SBNO1: variants seen among roughly 807,000 people sequenced by gnomAD.
SBNO1 encodes the protein protein strawberry notch homolog 1.
In SBNO1, 23 loss-of-function variants were observed where a neutral mutation model predicts 173.6. The ratio of observed to expected loss-of-function variants is 0.13; its 90% CI spans 0.10 to 0.19. SBNO1 has a LOEUF of 0.19. Ranked by LOEUF, SBNO1 falls within the 10% of genes least tolerant of loss-of-function variation. SBNO1 has a pLI of 1.00. For missense variants in SBNO1, 1,238 were observed against 1,671.2 expected, an observed-to-expected ratio of 0.74 and a Z score of 4.52; for synonymous variants, 632 against 571.5, an observed-to-expected ratio of 1.11 and a Z score of -1.51.
intron 30 of SBNO1, among the ~76,000 whole-genome samples, chr12:123,300,733 G>C (rs1346250180): frequency 6.6e-6 from 1 of 151,858 alleles, no homozygotes; most frequent in Non-Finnish European, 1.5e-5. Context: ...AGGCCGTGGT[G>C]GGCAGATCAC....
chr12:123,302,711 G>C lies in SBNO1; in HGVS notation c.3845+113C>G. On this transcript the variant is annotated intron_variant, in intron 30 of 31. Coordinates refer to ENST00000602398, the MANE Select transcript of SBNO1 (RefSeq NM_001167856.3). ...ATTCCTGATGGAACACACCACGCCT[G>C]ACAATACTTAATCTGTTAGTTAATT... 4.0e-6 allele frequency: 3 copies of C among 758,548 alleles called. No individual in the cohort carries two copies. The Admixed American group carries it at 6.3e-5, about 16-fold the overall frequency. 47.0% of individuals were successfully genotyped at this position (758,548 alleles called of 1,614,324 possible).
chr12:123,353,973 G>A (rs575895190), intron 1 of SBNO1, among the ~76,000 whole-genome samples: 9 of 152,228 alleles, frequency 5.9e-5, no homozygotes, highest in Admixed American at 2.0e-4. Flanking sequence ...TATACACCAA[G>A]CCCTATCTAA....
chr12:123,336,150 A>G (rs1036923161), intron 6 of SBNO1, among the ~76,000 whole-genome samples: 3 of 152,214 alleles, frequency 2.0e-5, no homozygotes, highest in Non-Finnish European at 4.4e-5. Context: ...CAATGTTTTT[A>G]CAATTTTAGA....
At chr12:123,302,378 G>A (rs1006471908) in intron 30 of SBNO1, among the ~76,000 whole-genome samples, 1 of 151,964 alleles carries the variant, frequency 6.6e-6, no homozygotes, top group Non-Finnish European at 1.5e-5. Context: ...AAGTAGCTGG[G>A]ATTACAGGTG....
rs1205251141 is a variant in SBNO1 at position 123,295,172 on chromosome 12, T to C, written c.*736A>G. 1 of 152,202 alleles carries C rather than the reference T, an allele frequency of 6.6e-6. No homozygotes were observed. The highest frequency in any genetic ancestry group is 1.5e-5 in the Non-Finnish European group (1 of 68,036). 9.4% of individuals were successfully genotyped at this position (152,202 alleles called of 1,614,324 possible). On this transcript the variant is annotated 3_prime_UTR_variant, in exon 32 of 32. Coordinates refer to ENST00000602398, the MANE Select transcript of SBNO1 (RefSeq NM_001167856.3). ...CAGAAAAATGTATGTATTCATTACCTTGACCAGAAACCCAGGGCAGGGAGA... is the reference window on the plus strand; with the variant it reads ...CAGAAAAATGTATGTATTCATTACCCTGACCAGAAACCCAGGGCAGGGAGA...
At chr12:123,311,720 C>CTATCTATATATATA (rs1224940028) in intron 24 of SBNO1, among the ~76,000 whole-genome samples, 11 of 127,432 alleles carry the variant, frequency 8.6e-5, no homozygotes, top group African/African-American at 3.2e-4. Context: ...ATCTATCTAT[C>CTATCTATATATATA]TATATATATA....
Position 123,357,363 on chromosome 12 carries a change from C to T in SBNO1, c.1-6922G>A, listed in dbSNP as rs1437199670. Among the ~76,000 whole-genome samples the T allele has an allele frequency of 2.0e-5, 3 of 149,798 alleles. No individual in the cohort carries two copies. The East Asian group carries it at 5.9e-4, about 29-fold the overall frequency. ...TACTCCAGAGGCTGAGACAGGAGAA[C>T]ACCGGAACCCAGGGGGTGAAGGTTG... is the stretch of plus-strand genomic sequence containing the variant. On this transcript the variant is annotated intron_variant, in intron 1 of 31. Coordinates refer to ENST00000602398, the MANE Select transcript of SBNO1 (RefSeq NM_001167856.3).
intron 24 of SBNO1, among the ~76,000 whole-genome samples, chr12:123,311,737 TA>T (rs1218478818): frequency 4.4e-5 from 6 of 136,962 alleles, no homozygotes; most frequent in Non-Finnish European, 8.0e-5. Flanking sequence ...TATATATATA[TA>T]TATATATATA....
In SBNO1 at chr12:123,293,091, C is replaced by CA; in HGVS notation, c.*2816dup. The CA allele has an allele frequency of 6.6e-6, 1 of 152,164 alleles. No individual in the cohort carries two copies. Among genetic ancestry groups the CA allele is most frequent in the East Asian group, 1.9e-4 (1 of 5,196 alleles). 9.4% of individuals were successfully genotyped at this position (152,164 alleles called of 1,614,324 possible). ...TGATTTCCAACCAAATCTTTGTGCT[C>CA]AGAGCCATATTGCTAAAAAGAAAAA... is the stretch of plus-strand genomic sequence containing the variant. On this transcript the variant is annotated 3_prime_UTR_variant, in exon 32 of 32. Coordinates refer to ENST00000602398, the MANE Select transcript of SBNO1 (RefSeq NM_001167856.3).
At position 123,292,719 on chromosome 12, in the gene SBNO1, TAC is replaced by T. The variant is rs147400824; in HGVS notation, c.*3187_*3188del. 6.6e-6 allele frequency: 1 copy of T among 152,168 alleles called. No individual in the cohort carries two copies. The highest frequency in any genetic ancestry group is 1.5e-5 in the Non-Finnish European group (1 of 68,034). 9.4% of individuals were successfully genotyped at this position (152,168 alleles called of 1,614,324 possible). A position where few individuals can be genotyped will look rare whatever the true frequency, so the allele number is the denominator to read the frequency against. On this transcript the variant is annotated 3_prime_UTR_variant, in exon 32 of 32. Transcript: ENST00000602398. The stretch of plus-strand genomic sequence containing the variant: ...GTTAGAATAAATATATATAGATACA[TAC>T]ACACACTACATTGCTTTGGATGCAG...
rs1354622487 is a variant in SBNO1 at position 123,294,305 on chromosome 12, A to G, written c.*1603T>C. 1 of 152,166 alleles carries G rather than the reference A, an allele frequency of 6.6e-6. No individual in the cohort carries two copies. Among genetic ancestry groups the G allele is most frequent in the East Asian group, 1.9e-4 (1 of 5,206 alleles). The allele number at this position is 152,166 out of a possible 1,614,324, so 9.4% of individuals were successfully genotyped here. A position where few individuals can be genotyped will look rare whatever the true frequency, so the allele number is the denominator to read the frequency against. Reference sequence around the variant, plus strand: ...GTTTGTCAGTTTTAACACACATCTCACCCAATTCTGCAAGAAGTTTACAAA... The same window carrying G: ...GTTTGTCAGTTTTAACACACATCTCGCCCAATTCTGCAAGAAGTTTACAAA... On this transcript the variant is annotated 3_prime_UTR_variant, in exon 32 of 32. Transcript: ENST00000602398.
chr12:123,304,508 T>C (rs1296919535), intron 29 of SBNO1, 74 bp downstream of exon 29: 2 of 1,166,544 alleles, frequency 1.7e-6, no homozygotes, highest in East Asian at 5.3e-5. Flanking sequence ...AGTGCTGAGA[T>C]TACAGGTGTG....
In SBNO1 at chr12:123,298,135, A is replaced by T. The variant is rs1015683034; in HGVS notation, c.3882T>A (p.Val1294=). 6.2e-7 allele frequency: 1 copy of T among 1,612,250 alleles called. No individual in the cohort carries two copies. Among genetic ancestry groups the T allele is most frequent in the African/African-American group, 1.3e-5 (1 of 74,828 alleles). ...TACGGCAACGAAGACCTATTTCACA[A>T]ACTAGCCCCAAGCTTGCTTTTTTGC... The part of the protein sequence containing the change: ...GNCKKASLGL[V]CEIGLRCRTY... The change falls in exon 31 of 32, where the codon GTT becomes GTA. Residue 1294 remains valine (V), a synonymous_variant. Transcript: ENST00000602398.
chr12:123,360,743 C>T (rs555365134), intron 1 of SBNO1, among the ~76,000 whole-genome samples: 12 of 152,096 alleles, frequency 7.9e-5, no homozygotes, highest in Admixed American at 3.9e-4. Flanking sequence ...CAAGCTTGGC[C>T]GAGACAAACC....
intron 7 of SBNO1, among the ~76,000 whole-genome samples, chr12:123,333,506 A>AT (rs560961552): frequency 3.9e-4 from 58 of 147,410 alleles, no homozygotes; most frequent in Admixed American, 1.2e-3. Context: ...CATATATATA[A>AT]TTTTTTTTTT....
intron 2 of SBNO1, chr12:123,348,979 T>C (rs1216563628): frequency 7.6e-6 from 1 of 131,582 alleles, no homozygotes; most frequent in East Asian, 1.9e-4. Context: ...AAATTTTTTT[T>C]AGTCTTTTTT....
intron 30 of SBNO1, among the ~76,000 whole-genome samples, chr12:123,301,929 G>A (rs1025152466): frequency 6.6e-6 from 1 of 150,840 alleles, no homozygotes; most frequent in Non-Finnish European, 1.5e-5. Flanking sequence ...ACAGAAGGAG[G>A]GCGAAAAAGT....
chr12:123,296,726 A>C (rs2048610449), intron 31 of SBNO1, among the ~76,000 whole-genome samples: 1 of 151,866 alleles, frequency 6.6e-6, no homozygotes, highest in African/African-American at 2.4e-5. Flanking sequence ...ACGCCTGGTT[A>C]ATTTTTGTAT....
chr12:123,333,190 A>G (rs1871421680), intron 7 of SBNO1, among the ~76,000 whole-genome samples: 1 of 152,180 alleles, frequency 6.6e-6, no homozygotes. Context: ...TAAAAGTTTT[A>G]TATCACACAA....
Sources: allele counts gnomAD v4.1 joint callset (sites outside exome capture counted in the v4.1 genomes callset), GRCh38; gene constraint gnomAD v4.1.1; transcripts MANE v1.5; gene names NCBI Gene and HGNC (gene_info 2026-07-23, HGNC 2026-07-21).